The following SDK1 variants were observed in gnomAD, a reference collection of about 807,000 sequenced individuals.
SDK1 encodes the protein protein sidekick-1.
Under a neutral mutation model 245.5 loss-of-function variants are expected in SDK1, and 157 were observed. That is an observed-to-expected ratio of 0.64 (90% confidence interval 0.56 to 0.73). The LOEUF is 0.73. Among genes scored for constraint, SDK1 ranks in the 30% least tolerant of loss-of-function variants. SDK1 has a pLI of 0.00. For synonymous variants in SDK1, 1,647 were observed against 1,278.5 expected (o/e 1.29, Z -6.15); for missense variants, 3,583 against 3,002.3 (o/e 1.19, Z -4.52).
chr7:4,014,780 C>T (rs1278345090), intron 16 of SDK1, among the ~76,000 whole-genome samples: 1 of 152,200 alleles, frequency 6.6e-6, no homozygotes, highest in African/African-American at 2.4e-5. Context: ...TCCTGGGCAA[C>T]ATATCCTACC....
chr7:4,024,324 G>A (rs1224378909), intron 17 of SDK1, among the ~76,000 whole-genome samples: 3 of 152,130 alleles, frequency 2.0e-5, no homozygotes, highest in Non-Finnish European at 4.4e-5. Flanking sequence ...CTCCTCTTGG[G>A]AAATTCTCAA....
chr7:3,999,872 C>G (rs1328293008), intron 14 of SDK1, among the ~76,000 whole-genome samples: 1 of 152,188 alleles, frequency 6.6e-6, no homozygotes, highest in Non-Finnish European at 1.5e-5. Context: ...GTGCATCATT[C>G]CTGGCTGAAA....
chr7:3,741,145 T>C (rs558676569), intron 4 of SDK1, among the ~76,000 whole-genome samples: 38 of 152,338 alleles, frequency 2.5e-4, no homozygotes, highest in African/African-American at 9.1e-4. Context: ...ACCAAGTGGA[T>C]GTGCTGAGCA....
intron 1 of SDK1, among the ~76,000 whole-genome samples, chr7:3,566,684 A>C (rs1376427547): frequency 6.6e-6 from 1 of 151,562 alleles, no homozygotes; most frequent in Non-Finnish European, 1.5e-5. Flanking sequence ...TTAGATTAAC[A>C]GGAAATCTTT....
chr7:3,685,034 A>G (rs1180245359), intron 4 of SDK1, among the ~76,000 whole-genome samples: 2 of 152,156 alleles, frequency 1.3e-5, no homozygotes, highest in African/African-American at 2.4e-5. Flanking sequence ...ATCAGAATTC[A>G]TAAGGAGATG....
At chr7:4,221,951 G>A (rs138115021) in intron 40 of SDK1, among the ~76,000 whole-genome samples, 12 of 152,190 alleles carry the variant, frequency 7.9e-5, no homozygotes, top group East Asian at 3.9e-4. Flanking sequence ...GATCGGGTGC[G>A]TCGGATATGA....
At chr7:3,934,261 C>G (rs1780082433) in intron 5 of SDK1, among the ~76,000 whole-genome samples, 1 of 152,230 alleles carries the variant, frequency 6.6e-6, no homozygotes, top group Admixed American at 6.5e-5. Context: ...CCCCTTCCCT[C>G]TTATTTATCT....
chr7:3,790,969 G>C (rs1437122807), intron 4 of SDK1, among the ~76,000 whole-genome samples: 1 of 152,044 alleles, frequency 6.6e-6, no homozygotes, highest in African/African-American at 2.4e-5. Context: ...TTGAATCACA[G>C]CTCCGTCACT....
intron 1 of SDK1, among the ~76,000 whole-genome samples, chr7:3,575,287 A>C (rs531910501): frequency 1.3e-4 from 20 of 151,996 alleles, no homozygotes; most frequent in African/African-American, 4.8e-4. Flanking sequence ...AGCACGCATG[A>C]ATTCTCTGGT....
chr7:3,709,541 C>G (rs1784981335), intron 4 of SDK1, among the ~76,000 whole-genome samples: 3 of 152,208 alleles, frequency 2.0e-5, no homozygotes, highest in African/African-American at 2.4e-5. Flanking sequence ...AGGCTGCAGC[C>G]TGCTGCTTCT....
chr7:3,437,976 C>T (rs1562486253), intron 1 of SDK1, among the ~76,000 whole-genome samples: 1 of 152,120 alleles, frequency 6.6e-6, no homozygotes, highest in African/African-American at 2.4e-5. Flanking sequence ...TTTACACTCT[C>T]TCATTTAATC....
At chr7:3,918,601 A>G (rs987248778) in intron 5 of SDK1, among the ~76,000 whole-genome samples, 1 of 152,210 alleles carries the variant, frequency 6.6e-6, no homozygotes, top group Non-Finnish European at 1.5e-5. Flanking sequence ...TGTAATAATC[A>G]TAGAAATAAA....
chr7:4,062,137 A>G (rs1487822205), intron 19 of SDK1, among the ~76,000 whole-genome samples: 1 of 152,124 alleles, frequency 6.6e-6, no homozygotes, highest in Non-Finnish European at 1.5e-5. Context: ...TATAATAATA[A>G]TAATAATAAA....
At chr7:4,135,890 TC>T (rs1335707868) in intron 28 of SDK1, among the ~76,000 whole-genome samples, 1 of 152,190 alleles carries the variant, frequency 6.6e-6, no homozygotes, top group Non-Finnish European at 1.5e-5. Flanking sequence ...GTCCTAGTAT[TC>T]CCGTTGCATG....
At chr7:4,145,555 C>A (rs1175679494) in intron 28 of SDK1, among the ~76,000 whole-genome samples, 167 bp from the exon 29 acceptor site, 1 of 152,120 alleles carries the variant, frequency 6.6e-6, no homozygotes, top group Non-Finnish European at 1.5e-5. Context: ...GGGGCCCCAC[C>A]ATTCATCACA....
chr7:3,389,027 G>C (rs1781678986), intron 1 of SDK1, among the ~76,000 whole-genome samples: 1 of 152,198 alleles, frequency 6.6e-6, no homozygotes, highest in Non-Finnish European at 1.5e-5. Context: ...CTTTTTGGTA[G>C]CGTAGTTTGG....
intron 14 of SDK1, among the ~76,000 whole-genome samples, chr7:3,999,333 G>A (rs906995509): frequency 1.3e-5 from 2 of 152,224 alleles, no homozygotes; most frequent in African/African-American, 4.8e-5. Context: ...ATACCAGGAA[G>A]AGCGTGAGGT....
chr7:3,899,727 G>C (rs1781718898), intron 5 of SDK1, among the ~76,000 whole-genome samples: 1 of 152,200 alleles, frequency 6.6e-6, no homozygotes, highest in African/African-American at 2.4e-5. Flanking sequence ...CAGCATGTGG[G>C]CCATGCTGCA....
chr7:4,140,551 A>G (rs1362050114), intron 28 of SDK1, among the ~76,000 whole-genome samples: 1 of 150,896 alleles, frequency 6.6e-6, no homozygotes. Flanking sequence ...TTTAATCATC[A>G]GAATCCCATC....
Sources: gnomAD v4.1 joint callset for allele counts (sites outside exome capture counted in the v4.1 genomes callset) on GRCh38, gnomAD v4.1.1 for gene constraint, MANE v1.5 for transcripts, NCBI Gene and HGNC (gene_info 2026-07-23, HGNC 2026-07-21) for gene names.